PTPRN2: variants seen among roughly 807,000 people sequenced by gnomAD.
PTPRN2 encodes the protein receptor-type tyrosine-protein phosphatase N2.
In PTPRN2, 74 loss-of-function variants were observed where a neutral mutation model predicts 118.8. That is an observed-to-expected ratio of 0.62 (90% CI 0.52 to 0.76). The LOEUF (loss-of-function observed/expected upper bound fraction) is 0.76, where lower values mean the gene tolerates loss of function less well. Ranked by LOEUF, PTPRN2 falls within the 30% of genes least tolerant of loss-of-function variation. The pLI, the probability that PTPRN2 is intolerant of heterozygous loss-of-function variation, is 0.00. For synonymous variants in PTPRN2, 641 were observed against 608.0 expected (o/e 1.05, Z -0.80); for missense variants, 1,481 against 1,394.4 (o/e 1.06, Z -0.99).
intron 11 of PTPRN2, among the ~76,000 whole-genome samples, chr7:157,906,015 G>A (rs928140921): frequency 2.0e-5 from 3 of 152,190 alleles, no homozygotes; most frequent in African/African-American, 7.2e-5. Context: ...CAGGGCCCCC[G>A]TGCAGGGGGT....
At chr7:158,178,117 A>G (rs1157070287) in intron 5 of PTPRN2, among the ~76,000 whole-genome samples, 1 of 152,148 alleles carries the variant, frequency 6.6e-6, no homozygotes, top group African/African-American at 2.4e-5. Context: ...TCATTTCCAT[A>G]ATGAGGAATG....
At chr7:158,532,327 A>G (rs1393173915) in intron 1 of PTPRN2, among the ~76,000 whole-genome samples, 1 of 152,196 alleles carries the variant, frequency 6.6e-6, no homozygotes, top group Non-Finnish European at 1.5e-5. Flanking sequence ...TTAGATGCCC[A>G]AAAGCGACAT....
intron 2 of PTPRN2, among the ~76,000 whole-genome samples, chr7:158,432,783 C>A (rs998312754): frequency 2.6e-5 from 4 of 152,148 alleles, no homozygotes; most frequent in African/African-American, 9.7e-5. Context: ...TAAAACAGAG[C>A]TTAAGACAAC....
intron 16 of PTPRN2, among the ~76,000 whole-genome samples, chr7:157,600,497 T>A (rs1801610579): frequency 6.6e-6 from 1 of 152,194 alleles, no homozygotes. Context: ...CTCGGCTCAC[T>A]GCAACCTCTC....
intron 11 of PTPRN2, among the ~76,000 whole-genome samples, chr7:157,988,524 T>C (rs1253399348): frequency 2.0e-5 from 3 of 152,086 alleles, no homozygotes; most frequent in African/African-American, 7.3e-5. Context: ...CCCGGGCAGG[T>C]GTGTACATCA....
chr7:157,975,534 C>T (rs939612638), intron 11 of PTPRN2, among the ~76,000 whole-genome samples: 4 of 152,138 alleles, frequency 2.6e-5, no homozygotes, highest in Non-Finnish European at 4.4e-5. Context: ...CACGAGGAGA[C>T]GTGCTTCATT....
In PTPRN2 at chr7:158,081,211, G is replaced by C. The variant is rs1206026020; in HGVS notation, c.1723+87C>G. 11 of 1,310,906 alleles carry C rather than the reference G, an allele frequency of 8.4e-6. No individual in the cohort carries two copies. The South Asian group carries it at 1.2e-4, about 14-fold the overall frequency. The allele number at this position is 1,310,906 out of a possible 1,614,324, so 81.2% of individuals were successfully genotyped here. A position where few individuals can be genotyped will look rare whatever the true frequency, so the allele number is the denominator to read the frequency against. On this transcript the variant is annotated intron_variant, in intron 11 of 22. Coordinates refer to ENST00000389418, the MANE Select transcript of PTPRN2 (RefSeq NM_002847.5). ...ATGTGGGTAGTGTGAGTCTCTCTCT[G>C]CCCTGGCTGTGCATGTGCGTGTTTG...
At chr7:157,965,391 C>T (rs559105088) in intron 11 of PTPRN2, among the ~76,000 whole-genome samples, 6 of 152,270 alleles carry the variant, frequency 3.9e-5, no homozygotes, top group African/African-American at 9.6e-5. Flanking sequence ...ACTGGACAGA[C>T]GACAGCACCG....
At chr7:157,792,132 C>T (rs1374215957) in intron 12 of PTPRN2, among the ~76,000 whole-genome samples, 7 of 152,242 alleles carry the variant, frequency 4.6e-5, no homozygotes, top group African/African-American at 1.2e-4. Context: ...CCGTTCATGC[C>T]GCTCAATCGA....
chr7:157,767,696 T>C (rs993407604), intron 12 of PTPRN2, among the ~76,000 whole-genome samples: 2 of 152,156 alleles, frequency 1.3e-5, no homozygotes, highest in Non-Finnish European at 2.9e-5. Flanking sequence ...TGCAGTGTGG[T>C]GAGAACTGTC....
At chr7:158,341,388 C>A (rs1338795216) in intron 2 of PTPRN2, among the ~76,000 whole-genome samples, 1 of 151,188 alleles carries the variant, frequency 6.6e-6, no homozygotes, top group Non-Finnish European at 1.5e-5. Flanking sequence ...CACCCACACT[C>A]TCACCATAAG....
chr7:158,252,280 ACAC>A (rs1563041228), intron 3 of PTPRN2, among the ~76,000 whole-genome samples: 1 of 152,148 alleles, frequency 6.6e-6, no homozygotes, highest in Non-Finnish European at 1.5e-5. Flanking sequence ...AGCTCCTGCC[ACAC>A]CACTCCCATA....
chr7:158,342,005 C>G (rs1806937743), intron 2 of PTPRN2, among the ~76,000 whole-genome samples: 1 of 150,570 alleles, frequency 6.6e-6, no homozygotes, highest in Non-Finnish European at 1.5e-5. Flanking sequence ...GTGACACCTG[C>G]AGACGTCACT....
intron 11 of PTPRN2, among the ~76,000 whole-genome samples, chr7:157,970,762 G>C (rs762837916): frequency 6.6e-6 from 1 of 152,034 alleles, no homozygotes; most frequent in Non-Finnish European, 1.5e-5. Context: ...CAGTGGAGTG[G>C]CTTCTGTGCC....
intron 1 of PTPRN2, among the ~76,000 whole-genome samples, chr7:158,498,925 A>G (rs1822155735): frequency 6.6e-6 from 1 of 152,206 alleles, no homozygotes; most frequent in African/African-American, 2.4e-5. Context: ...GACATGGCAC[A>G]CGTGAACCAC....
intron 1 of PTPRN2, among the ~76,000 whole-genome samples, chr7:158,548,980 G>A (rs1163364745): frequency 2.0e-5 from 3 of 152,210 alleles, no homozygotes; most frequent in Non-Finnish European, 2.9e-5. Flanking sequence ...CACGGCCAAC[G>A]CCCGGCCCCC....
intron 12 of PTPRN2, among the ~76,000 whole-genome samples, chr7:157,712,458 C>T (rs967535521): frequency 3.9e-5 from 6 of 152,036 alleles, no homozygotes; most frequent in South Asian, 2.1e-4. Flanking sequence ...TGATCAAAAA[C>T]GGAAATTTGA....
chr7:158,111,313 G>A (rs1353355296), intron 9 of PTPRN2, among the ~76,000 whole-genome samples: 1 of 152,206 alleles, frequency 6.6e-6, no homozygotes, highest in Non-Finnish European at 1.5e-5. Flanking sequence ...CCCAGTGAGG[G>A]GCAATTTAAC....
chr7:157,807,800 G>A (rs1005899030), intron 12 of PTPRN2, among the ~76,000 whole-genome samples: 4 of 152,214 alleles, frequency 2.6e-5, no homozygotes, highest in African/African-American at 4.8e-5. Flanking sequence ...TGGTTCTGGG[G>A]ACAGTGGCTT....
Sources: gnomAD v4.1 joint callset for allele counts (sites outside exome capture counted in the v4.1 genomes callset) on GRCh38, gnomAD v4.1.1 for gene constraint, MANE v1.5 for transcripts, NCBI Gene and HGNC (gene_info 2026-07-23, HGNC 2026-07-21) for gene names.